FCHSD2: variants seen among roughly 807,000 people sequenced by gnomAD.
FCHSD2 encodes the protein FCH and double SH3 domains 2, also known as F-BAR and double SH3 domains protein 2.
FCHSD2 carries 38 observed loss-of-function variants against 108.1 expected under a neutral mutation model. The observed-to-expected ratio is 0.35, with a 90% confidence interval of 0.27 to 0.46. The LOEUF is 0.46. FCHSD2 is among the 20% of genes least tolerant of loss of function. The probability of loss-of-function intolerance (pLI) is 1.00; values close to 1 mark genes in which losing one functional copy is unlikely to be tolerated. For missense variants in FCHSD2, 751 were observed against 897.8 expected, an observed-to-expected ratio of 0.84 and a Z score of 2.09; for synonymous variants, 279 against 314.7, an observed-to-expected ratio of 0.89 and a Z score of 1.20.
rs753347324 is a variant in FCHSD2, at chr11:73,120,831, C to CA, written c.119+19199dup. On this transcript the variant is annotated intron_variant, in intron 2 of 19. Transcript: ENST00000409418. ...TCACAGTCTGGAGGTGAAGATATACCAAAAAAAAAAAAAAAATAGATGATT... is the reference window on the plus strand; with the variant it reads ...TCACAGTCTGGAGGTGAAGATATACCAAAAAAAAAAAAAAAAATAGATGATT... 2.9e-3 allele frequency among the ~76,000 whole-genome samples: 359 copies of CA among 123,886 alleles called. 1 individual carries two copies. Among genetic ancestry groups the CA allele is most frequent in the Middle Eastern group, 8.5e-3 (2 of 236 alleles). The allele number at this position is 123,886 out of a possible 152,430, so 81.3% of individuals were successfully genotyped here. A position where few individuals can be genotyped will look rare whatever the true frequency, so the allele number is the denominator to read the frequency against.
intron 2 of FCHSD2, among the ~76,000 whole-genome samples, chr11:73,105,716 G>A (rs1315673393): frequency 1.3e-5 from 2 of 152,102 alleles, no homozygotes; most frequent in Non-Finnish European, 2.9e-5. Flanking sequence ...CACAATAGGT[G>A]TCTTACATAA....
intron 10 of FCHSD2, among the ~76,000 whole-genome samples, chr11:72,896,424 A>G (rs1457239701): frequency 6.6e-6 from 1 of 152,206 alleles, no homozygotes; most frequent in Non-Finnish European, 1.5e-5. Flanking sequence ...ACAGGATGTG[A>G]GAAAATGCCC....
chr11:73,066,532 G>T (rs989318810), intron 3 of FCHSD2, among the ~76,000 whole-genome samples: 2 of 151,908 alleles, frequency 1.3e-5, no homozygotes, highest in African/African-American at 2.4e-5. Context: ...CACAGCAAAA[G>T]AAACTATCAT....
chr11:73,020,109 G>A (rs1858066536), intron 3 of FCHSD2, among the ~76,000 whole-genome samples: 1 of 152,118 alleles, frequency 6.6e-6, no homozygotes. Context: ...TTTGAAACAT[G>A]CAATAACATC....
intron 8 of FCHSD2, among the ~76,000 whole-genome samples, chr11:72,951,104 C>T (rs1856612635): frequency 6.6e-6 from 1 of 152,322 alleles, no homozygotes; most frequent in Admixed American, 6.5e-5. Context: ...CTCTGAATAA[C>T]TTCATGAGGC....
rs185746541 is a variant in FCHSD2 at position 72,958,734 on chromosome 11, A to C, written c.705+25354T>G. ...TCCTTCCCAAGTTTTATCTATAGTC[A>C]CTTAAAAGTAATCAGATTTAAGAAA... On this transcript the variant is annotated intron_variant, in intron 8 of 19. Transcript: ENST00000409418. 5.3e-5 allele frequency among the ~76,000 whole-genome samples: 8 copies of C among 152,302 alleles called. No homozygotes were observed. In the Middle Eastern group the frequency reaches 0.01, roughly 194 times the overall value.
chr11:72,958,991 ATATGTGTG>A (rs1464163580), intron 8 of FCHSD2, among the ~76,000 whole-genome samples: 15 of 41,660 alleles, frequency 3.6e-4, no homozygotes, highest in Admixed American at 1.1e-3. Flanking sequence ...CATCAGTAAG[ATATGTGTG>A]TGTGTGTGTG....
At chr11:72,852,143 C>T (rs1478761619) in intron 13 of FCHSD2, among the ~76,000 whole-genome samples, 1 of 151,984 alleles carries the variant, frequency 6.6e-6, no homozygotes, top group Non-Finnish European at 1.5e-5. Flanking sequence ...CCCGCCTTGG[C>T]CTCCCAAATT....
At chr11:72,966,053 T>C (rs1432243269) in intron 8 of FCHSD2, among the ~76,000 whole-genome samples, 1 of 152,146 alleles carries the variant, frequency 6.6e-6, no homozygotes, top group Non-Finnish European at 1.5e-5. Flanking sequence ...AATTCCTGTG[T>C]AATAAAACAA....
At chr11:72,942,629 T>C (rs571299177) in intron 8 of FCHSD2, among the ~76,000 whole-genome samples, 2 of 152,352 alleles carry the variant, frequency 1.3e-5, no homozygotes, top group African/African-American at 4.8e-5. Flanking sequence ...TTTTCAAATT[T>C]TCTTCTGGTA....
intron 6 of FCHSD2, among the ~76,000 whole-genome samples, chr11:72,986,977 G>C (rs1232853145): frequency 6.6e-6 from 1 of 152,086 alleles, no homozygotes; most frequent in Admixed American, 6.6e-5. Context: ...ATAGGCAACT[G>C]ACCCTCAAAG....
chr11:72,983,051 T>G (rs1327894386), intron 8 of FCHSD2, among the ~76,000 whole-genome samples: 4 of 151,722 alleles, frequency 2.6e-5, no homozygotes, highest in Non-Finnish European at 5.9e-5. Context: ...TCCCAGCACT[T>G]TGGGAGGCTG....
chr11:72,984,432 T>C (rs1857274263), intron 7 of FCHSD2, among the ~76,000 whole-genome samples: 2 of 152,192 alleles, frequency 1.3e-5, no homozygotes. Flanking sequence ...TTTTCAAATA[T>C]TTGCTTAACA....
chr11:73,056,287 T>C (rs1186475735), intron 3 of FCHSD2, among the ~76,000 whole-genome samples: 1 of 152,218 alleles, frequency 6.6e-6, no homozygotes, highest in East Asian at 1.9e-4. Flanking sequence ...GTGCCTAAAG[T>C]AAAGAGATGG....
intron 9 of FCHSD2, among the ~76,000 whole-genome samples, chr11:72,912,391 A>G (rs553320727): frequency 6.6e-6 from 1 of 152,342 alleles, no homozygotes; most frequent in East Asian, 1.9e-4. Flanking sequence ...TTCAGTATCA[A>G]TTGAAATGAT....
chr11:73,111,670 T>TTTCC (rs1860489218), intron 2 of FCHSD2, among the ~76,000 whole-genome samples: 1 of 152,162 alleles, frequency 6.6e-6, no homozygotes, highest in Non-Finnish European at 1.5e-5. Flanking sequence ...CTCTTCCTTC[T>TTTCC]TTCCTTCCTT....
Position 72,954,682 on chromosome 11 carries a change from T to C in FCHSD2, c.705+29406A>G, listed in dbSNP as rs192120707. Among the ~76,000 whole-genome samples, 6 of 151,898 alleles carry C rather than the reference T, an allele frequency of 4.0e-5. No individual in the cohort carries two copies. The East Asian group carries it at 7.7e-4, about 20-fold the overall frequency. On this transcript the variant is annotated intron_variant, in intron 8 of 19. Transcript: ENST00000409418. ...TGGGAGGGAAAAATCAAAGGCTGAG[T>C]AGGTAACCAGGCTGGTCAGGAGATG...
chr11:73,051,915 AC>A (rs796798306), intron 3 of FCHSD2, among the ~76,000 whole-genome samples: 10 of 117,538 alleles, frequency 8.5e-5, no homozygotes, highest in African/African-American at 2.7e-4. Flanking sequence ...ACACACACAC[AC>A]CCCACACACA....
At chr11:72,952,745 T>C (rs1035882239) in intron 8 of FCHSD2, among the ~76,000 whole-genome samples, 1 of 152,198 alleles carries the variant, frequency 6.6e-6, no homozygotes, top group Non-Finnish European at 1.5e-5. Flanking sequence ...AATGAATACT[T>C]ACAGAACACC....
Sources: gnomAD v4.1 joint callset for allele counts (sites outside exome capture counted in the v4.1 genomes callset) on GRCh38, gnomAD v4.1.1 for gene constraint, MANE v1.5 for transcripts, NCBI Gene and HGNC (gene_info 2026-07-23, HGNC 2026-07-21) for gene names.